Variants in EGF observed in about 807,000 individuals in gnomAD.
EGF encodes pro-epidermal growth factor.
In EGF, 95 loss-of-function variants were observed where a neutral mutation model predicts 143.8. The ratio of observed to expected loss-of-function variants is 0.66; its 90% confidence interval spans 0.56 to 0.78. The LOEUF is 0.78. Among genes scored for constraint, EGF ranks in the 30% least tolerant of loss-of-function variants. EGF has a pLI of 0.00. For missense variants in EGF, 1,320 were observed against 1,470.9 expected (o/e 0.90, Z 1.68); for synonymous variants, 510 against 510.5 (o/e 1.00, Z 0.01).
intron 22 of EGF, among the ~76,000 whole-genome samples, chr4:110,005,056 T>C (rs1753092018): frequency 7.3e-6 from 1 of 137,304 alleles, no homozygotes; most frequent in Admixed American, 7.1e-5. Context: ...TTTTTTTTTT[T>C]TTTTGGACAG....
At chr4:109,950,140 T>C (rs1743613034) in intron 5 of EGF, among the ~76,000 whole-genome samples, 1 of 152,202 alleles carries the variant, frequency 6.6e-6, no homozygotes, top group Admixed American at 6.5e-5. Flanking sequence ...TCAAGGCCCT[T>C]ATAGTTATCT....
intron 1 of EGF, among the ~76,000 whole-genome samples, chr4:109,931,147 GA>G (rs1739614451): frequency 6.6e-6 from 1 of 152,108 alleles, no homozygotes; most frequent in South Asian, 2.1e-4. Context: ...TGACAGGTCT[GA>G]AAAAACATTA....
At chr4:109,942,914 T>C (rs1376903118) in intron 2 of EGF, among the ~76,000 whole-genome samples, 1 of 152,232 alleles carries the variant, frequency 6.6e-6, no homozygotes, top group Non-Finnish European at 1.5e-5. Flanking sequence ...TGGAACTGAA[T>C]AAGCTGTCTG....
rs564898318 is a variant in EGF, at chr4:109,999,721, C to T, written c.3048C>T (p.Asp1016=). 1 of 1,613,956 alleles carries T rather than the reference C, an allele frequency of 6.2e-7. No individual in the cohort carries two copies. Among genetic ancestry groups the T allele is most frequent in the South Asian group, 1.1e-5 (1 of 91,074 alleles). The change falls in exon 21 of 24, where the codon GAC becomes GAT. Residue 1016 remains aspartate, a synonymous_variant. Coordinates refer to ENST00000265171, the MANE Select transcript of EGF (RefSeq NM_001963.6). ...GYIGERCQYR[D]LKWWELRHAG... is the part of the protein sequence containing the mutation. ...TCGGGGAGCGATGTCAGTACCGAGA[C>T]CTGAAGTGGTGGGAACTGCGCCACG...
At chr4:109,982,872 C>G (rs1004674344) in intron 15 of EGF, among the ~76,000 whole-genome samples, 8 of 152,254 alleles carry the variant, frequency 5.3e-5, no homozygotes, top group South Asian at 2.1e-4. Flanking sequence ...TTCTGTGGAT[C>G]ACAGTTTAGA....
In EGF at chr4:109,969,004, G is replaced by C; in HGVS notation, c.1609G>C (p.Glu537Gln). 1.2e-6 allele frequency: 2 copies of C among 1,614,192 alleles called. No individual in the cohort carries two copies. Among genetic ancestry groups the C allele is most frequent in the Non-Finnish European group, 1.7e-6 (2 of 1,180,002 alleles). Residue 537 changes from glutamate (E) to glutamine (Q), a missense_variant, in exon 11 of 24, where the codon GAG (glutamate) becomes CAG (glutamine). Glu to Gln is a conservative substitution (Grantham distance 29). Transcript: ENST00000265171. ...TGCCCATACAGCCCTGAAGTGGATA[G>C]AGAGAGCTAATATGGATGGTTCCCA... ...YFAHTALKWI[E>Q]RANMDGSQRE...
At chr4:109,968,899 A>G (rs1167351514) in intron 10 of EGF, 72 bp from the exon 11 acceptor site, 3 of 1,602,340 alleles carry the variant, frequency 1.9e-6, no homozygotes, top group African/African-American at 1.3e-5. Context: ...CAACCTAAAG[A>G]CTAGTGCCAT....
At chr4:109,992,214 A>G (rs1471638094) in intron 18 of EGF, 3 of 150,358 alleles carry the variant, frequency 2.0e-5, no homozygotes, top group Non-Finnish European at 4.4e-5. Context: ...AGAGAGAGAA[A>G]GAACGGAAAC....
chr4:109,965,875 C>A (rs982173682), intron 10 of EGF, among the ~76,000 whole-genome samples: 2 of 151,990 alleles, frequency 1.3e-5, no homozygotes, highest in South Asian at 4.2e-4. Flanking sequence ...TGAAACATAA[C>A]CTTTTCTATT....
intron 21 of EGF, among the ~76,000 whole-genome samples, chr4:110,002,942 G>C (rs1752765262): frequency 6.6e-6 from 1 of 152,134 alleles, no homozygotes; most frequent in African/African-American, 2.4e-5. Flanking sequence ...GTGTTAGTTT[G>C]CTAAGAATAA....
rs1741203813 is a variant in EGF, at chr4:109,938,221, CT to C, written c.128-2719del. On this transcript the variant is annotated intron_variant, in intron 1 of 23. Coordinates refer to ENST00000265171, the MANE Select transcript of EGF (RefSeq NM_001963.6). Reference sequence around the variant, plus strand: ...GAGGCTTTGTTTGTTTCTTTTCACTCTTTTTTCTCTAATCTTGTCTTCTTGC... The same window carrying C: ...GAGGCTTTGTTTGTTTCTTTTCACTCTTTTTCTCTAATCTTGTCTTCTTGC... 3.9e-5 allele frequency among the ~76,000 whole-genome samples: 6 copies of C among 152,306 alleles called. No homozygotes were observed. The South Asian group carries it at 1.2e-3, about 32-fold the overall frequency.
intron 5 of EGF, among the ~76,000 whole-genome samples, chr4:109,950,272 T>C (rs1288923293): frequency 6.6e-6 from 1 of 152,154 alleles, no homozygotes; most frequent in Non-Finnish European, 1.5e-5. Flanking sequence ...ATCAGCCCAA[T>C]GAATGGCATC....
chr4:110,001,919 G>T, intron 21 of EGF: 1 of 985,318 alleles, frequency 1.0e-6, no homozygotes, highest in African/African-American at 1.7e-5. Flanking sequence ...TCTGATCAGT[G>T]TACCTGCTTA....
chr4:109,976,284 A>G, intron 13 of EGF, 49 bp downstream of exon 13: 1 of 1,481,860 alleles, frequency 6.7e-7, no homozygotes, highest in Non-Finnish European at 9.3e-7. Context: ...AGTGTTTATG[A>G]GTGTTAAATA....
chr4:109,932,756 ATT>A (rs1740016136), intron 1 of EGF, among the ~76,000 whole-genome samples: 1 of 152,126 alleles, frequency 6.6e-6, no homozygotes, highest in African/African-American at 2.4e-5. Flanking sequence ...AACAATATAT[ATT>A]GGATACATTT....
chr4:109,923,891 G>C (rs1738210849), intron 1 of EGF, among the ~76,000 whole-genome samples: 1 of 151,526 alleles, frequency 6.6e-6, no homozygotes, highest in African/African-American at 2.4e-5. Flanking sequence ...AAAGTGCTGG[G>C]ATTATAGGTG....
chr4:109,939,746 A>G (rs1424301189), intron 1 of EGF, among the ~76,000 whole-genome samples: 2 of 152,260 alleles, frequency 1.3e-5, no homozygotes, highest in African/African-American at 4.8e-5. Context: ...ACTCTAGAAC[A>G]TAGTCCCTGA....
chr4:109,954,206 C>G (rs577316775), intron 5 of EGF, among the ~76,000 whole-genome samples: 47 of 152,246 alleles, frequency 3.1e-4, no homozygotes, highest in African/African-American at 1.1e-3. Context: ...CACATGCCAC[C>G]ACACCTGGCT....
At chr4:110,004,430 G>A (rs1752985614) in intron 21 of EGF, 75 bp from the exon 22 acceptor site, 1 of 1,261,226 alleles carries the variant, frequency 7.9e-7, no homozygotes, top group East Asian at 2.3e-5. Flanking sequence ...GCAGTTAGTT[G>A]TCCCTGATCA....
Sources: allele counts gnomAD v4.1 joint callset (sites outside exome capture counted in the v4.1 genomes callset), GRCh38; gene constraint gnomAD v4.1.1; transcripts MANE v1.5; gene names NCBI Gene and HGNC (gene_info 2026-07-23, HGNC 2026-07-21).